NKAIN3: variants seen among roughly 807,000 people sequenced by gnomAD.
NKAIN3 encodes the protein sodium/potassium transporting ATPase interacting 3, also known as sodium/potassium-transporting ATPase subunit beta-1-interacting protein 3.
Under a neutral mutation model 30.2 loss-of-function variants are expected in NKAIN3, and 25 were observed. That is an observed-to-expected ratio of 0.83 (90% CI 0.60 to 1.16). The LOEUF (loss-of-function observed/expected upper bound fraction) is 1.16, where lower values mean the gene tolerates loss of function less well. Ranked by LOEUF, NKAIN3 falls within the 50% of genes most tolerant of loss-of-function variation. The pLI is 0.00. For synonymous variants in NKAIN3, 91 were observed against 89.6 expected (o/e 1.02, Z -0.09); for missense variants, 225 against 254.1 (o/e 0.89, Z 0.78).
intron 3 of NKAIN3, among the ~76,000 whole-genome samples, chr8:62,685,523 C>T (rs1311282798): frequency 1.3e-5 from 2 of 152,138 alleles, no homozygotes; most frequent in African/African-American, 2.4e-5. Context: ...AAATAAATCA[C>T]GAGGACTTCC....
intron 1 of NKAIN3, chr8:62,344,779 A>G (rs1314536648): frequency 5.3e-6 from 2 of 374,370 alleles, no homozygotes; most frequent in Non-Finnish European, 1.0e-5. Context: ...GATAAAACTA[A>G]GAAATTTAGA....
At chr8:62,500,434 A>AAAGGAAGAAAGGAAAGAAAGC (rs1807392689) in intron 1 of NKAIN3, among the ~76,000 whole-genome samples, 1 of 90,860 alleles carries the variant, frequency 1.1e-5, no homozygotes. Context: ...GGAAAGAAAG[A>AAAGGAAGAAAGGAAAGAAAGC]AAGAAAGAAA....
chr8:62,257,785 A>G lies in NKAIN3; in HGVS notation c.54+8658A>G, dbSNP rs78342261. ...AAAATTCACTGAAATAGAAAGAAGT[A>G]TTTATATATACCTGTAGTTATTATT... On this transcript the variant is annotated intron_variant, in intron 1 of 6. Transcript: ENST00000623646. 1.1e-3 allele frequency among the ~76,000 whole-genome samples: 166 copies of G among 152,346 alleles called. 4 individuals carry two copies. In the East Asian group the frequency reaches 0.026, roughly 24 times the overall value.
chr8:62,251,023 T>C (rs1812083908), intron 1 of NKAIN3, among the ~76,000 whole-genome samples: 1 of 152,180 alleles, frequency 6.6e-6, no homozygotes, highest in South Asian at 2.1e-4. Flanking sequence ...TTACAAACTC[T>C]GCAAGTTCTT....
Position 62,721,114 on chromosome 8 carries a change from G to A in NKAIN3, c.274-25818G>A, listed in dbSNP as rs151010098. Among the ~76,000 whole-genome samples the A allele has an allele frequency of 1.9e-3, 296 of 152,136 alleles. 1 individual carries two copies. Among genetic ancestry groups the A allele is most frequent in the Middle Eastern group, 3.4e-3 (1 of 294 alleles). On this transcript the variant is annotated intron_variant, in intron 3 of 6. Coordinates refer to ENST00000623646, the MANE Select transcript of NKAIN3 (RefSeq NM_001304533.3). ...TACTCTATTCATTACTTTTTACGTA[G>A]CCCCATCTGTCCAGGAGTAAAATAT...
chr8:62,570,077 A>G (rs531031461), intron 1 of NKAIN3, among the ~76,000 whole-genome samples: 1 of 152,328 alleles, frequency 6.6e-6, no homozygotes, highest in Admixed American at 6.5e-5. Flanking sequence ...GTCTACCTGT[A>G]GTGAACAGTG....
chr8:62,753,430 G>A (rs1816350061), intron 4 of NKAIN3, among the ~76,000 whole-genome samples: 2 of 151,640 alleles, frequency 1.3e-5, no homozygotes, highest in African/African-American at 4.8e-5. Context: ...ATCACATGTG[G>A]CAAAGAAAGG....
At chr8:62,850,673 T>C (rs1819865843) in intron 4 of NKAIN3, among the ~76,000 whole-genome samples, 1 of 152,012 alleles carries the variant, frequency 6.6e-6, no homozygotes, top group Admixed American at 6.6e-5. Flanking sequence ...TTTCCACATA[T>C]GGCTAGCCAG....
chr8:62,899,695 A>T (rs1821542184), intron 4 of NKAIN3, among the ~76,000 whole-genome samples: 1 of 152,188 alleles, frequency 6.6e-6, no homozygotes. Context: ...GGGTGACTAT[A>T]GTCTATAATA....
At chr8:62,922,176 A>T (rs761679586) in intron 5 of NKAIN3, among the ~76,000 whole-genome samples, 8 of 152,208 alleles carry the variant, frequency 5.3e-5, no homozygotes, top group Non-Finnish European at 7.3e-5. Flanking sequence ...CCTTGCTATT[A>T]TACTTTTGAG....
chr8:62,867,849 C>T (rs142264255), intron 4 of NKAIN3, among the ~76,000 whole-genome samples: 2 of 152,246 alleles, frequency 1.3e-5, no homozygotes, highest in African/African-American at 4.8e-5. Context: ...AACCATGTTC[C>T]AAAATGAAAT....
At chr8:62,459,916 G>A (rs1379158258) in intron 1 of NKAIN3, among the ~76,000 whole-genome samples, 2 of 152,264 alleles carry the variant, frequency 1.3e-5, no homozygotes, top group East Asian at 3.9e-4. Flanking sequence ...TGACAGAGAT[G>A]AGAAGTCATT....
chr8:62,921,604 C>T (rs1427246283), intron 5 of NKAIN3, among the ~76,000 whole-genome samples: 1 of 152,150 alleles, frequency 6.6e-6, no homozygotes, highest in Non-Finnish European at 1.5e-5. Context: ...ATAAAAAGCT[C>T]ACAAAAGGCA....
chr8:62,896,087 C>T (rs10808727), intron 4 of NKAIN3, among the ~76,000 whole-genome samples: 117,330 of 151,972 alleles, frequency 0.77, 46,126 homozygotes, highest in East Asian at 0.93. Flanking sequence ...GCTTAAACAA[C>T]AGAAATGTAT....
downstream of NKAIN3, among the ~76,000 whole-genome samples, chr8:62,988,911 C>T (rs10957261): frequency 0.074 from 11,332 of 152,194 alleles, 684 homozygotes; most frequent in East Asian, 0.3. Flanking sequence ...AATGCGTCAC[C>T]GCTTAAAAAT....
chr8:62,850,052 C>T (rs950487510), intron 4 of NKAIN3, among the ~76,000 whole-genome samples: 5 of 152,106 alleles, frequency 3.3e-5, no homozygotes, highest in Non-Finnish European at 7.4e-5. Flanking sequence ...AATGGTTGAA[C>T]TAGTTTACAG....
intron 1 of NKAIN3, among the ~76,000 whole-genome samples, chr8:62,563,154 T>C (rs953517757): frequency 2.0e-5 from 3 of 152,172 alleles, no homozygotes; most frequent in Non-Finnish European, 4.4e-5. Flanking sequence ...GGGCTTTTGC[T>C]AAAATGGCTG....
intron 1 of NKAIN3, among the ~76,000 whole-genome samples, chr8:62,264,492 C>T (rs1812546414): frequency 6.6e-6 from 1 of 152,130 alleles, no homozygotes; most frequent in African/African-American, 2.4e-5. Flanking sequence ...AACTTGGGCA[C>T]CTTCCTTATT....
chr8:62,504,126 T>C (rs1489136454), intron 1 of NKAIN3, among the ~76,000 whole-genome samples: 2 of 152,182 alleles, frequency 1.3e-5, no homozygotes, highest in East Asian at 3.9e-4. Context: ...GTGAACTGTA[T>C]TGTGAACTGC....
Sources: allele counts gnomAD v4.1 joint callset (sites outside exome capture counted in the v4.1 genomes callset), GRCh38; gene constraint gnomAD v4.1.1; transcripts MANE v1.5; gene names NCBI Gene and HGNC (gene_info 2026-07-23, HGNC 2026-07-21).